The following FAM81A variants were observed in gnomAD, a reference collection of about 807,000 sequenced individuals.
The protein encoded by FAM81A is protein FAM81A.
A neutral mutation model predicts 46.7 loss-of-function variants in FAM81A; 19 were observed. The ratio of observed to expected loss-of-function variants is 0.41; its 90% confidence interval spans 0.28 to 0.60. FAM81A has a LOEUF of 0.60. Among genes scored for constraint, FAM81A ranks in the 20% least tolerant of loss-of-function variants. The pLI, the probability that FAM81A is intolerant of heterozygous loss-of-function variation, is 0.34. For synonymous variants in FAM81A, 183 were observed against 152.9 expected (o/e 1.20, Z -1.45); for missense variants, 377 against 453.5 (o/e 0.83, Z 1.53).
intron 3 of FAM81A, among the ~76,000 whole-genome samples, chr15:59,480,269 A>T (rs2081833029): frequency 6.6e-6 from 1 of 152,198 alleles, no homozygotes. Context: ...ATTTGAAATT[A>T]TACTTCCTCA....
At chr15:59,458,500 A>C in intron 1 of FAM81A, 50 bp from the exon 2 acceptor site, 1 of 1,330,762 alleles carries the variant, frequency 7.5e-7, no homozygotes, top group Non-Finnish European at 1.0e-6. Context: ...TTTTGAGGTT[A>C]AGTTCTAGAT....
chr15:59,419,661 G>C (rs1396240757), intron 2 of FAM81A, among the ~76,000 whole-genome samples: 1 of 152,150 alleles, frequency 6.6e-6, no homozygotes, highest in Non-Finnish European at 1.5e-5. Context: ...ATTGCTTGAA[G>C]TCAGGAGTTC....
Position 59,509,828 on chromosome 15 carries a change from C to G in FAM81A, c.650+859C>G, listed in dbSNP as rs116849620. ...AGAAACTGAAAGATGGCGAGGGTGA[C>G]TGGAACAGGGAGTGAGGGTGAAGCA... On this transcript the variant is annotated intron_variant, in intron 6 of 8. Coordinates refer to ENST00000288228, the MANE Select transcript of FAM81A (RefSeq NM_152450.3). Among the ~76,000 whole-genome samples, 220 of 152,180 alleles carry G rather than the reference C, an allele frequency of 1.4e-3. 3 individuals are homozygous for G. The East Asian group carries it at 0.027, about 19-fold the overall frequency.
chr15:59,432,125 T>C (rs2081223114), intron 2 of FAM81A, among the ~76,000 whole-genome samples: 1 of 152,242 alleles, frequency 6.6e-6, no homozygotes, highest in South Asian at 2.1e-4. Flanking sequence ...TTTTAAACAC[T>C]GCATCACTCT....
At position 59,449,954 on chromosome 15, in the gene FAM81A, C is replaced by T. The variant is rs181001468; in HGVS notation, c.-77-8596C>T. ...TTTTTTTTTGTGAGACAAAATCTCA[C>T]GCTGTTGCCCAGGCTGGAATGCAGT... On this transcript the variant is annotated intron_variant, in intron 1 of 8. Coordinates refer to ENST00000288228, the MANE Select transcript of FAM81A (RefSeq NM_152450.3). Among the ~76,000 whole-genome samples the T allele has an allele frequency of 1.6e-4, 24 of 151,222 alleles. No individual in the cohort carries two copies. In the South Asian group the frequency reaches 3.6e-3, roughly 22 times the overall value.
chr15:59,419,707 C>T (rs927455126), intron 2 of FAM81A, among the ~76,000 whole-genome samples: 16 of 152,088 alleles, frequency 1.1e-4, no homozygotes, highest in Non-Finnish European at 1.9e-4. Context: ...AACCCTGTCT[C>T]TACTGAAAAT....
chr15:59,411,664 C>G (rs2081121206), intron 2 of FAM81A, among the ~76,000 whole-genome samples: 1 of 152,118 alleles, frequency 6.6e-6, no homozygotes, highest in South Asian at 2.1e-4. Context: ...TCCTGTAATC[C>G]CAGCACTTTG....
chr15:59,441,287 T>TG (rs2081294721), intron 1 of FAM81A, among the ~76,000 whole-genome samples: 1 of 152,212 alleles, frequency 6.6e-6, no homozygotes, highest in Non-Finnish European at 1.5e-5. Context: ...GAAACTCTGG[T>TG]GGGGTCCTCG....
intron 3 of FAM81A, among the ~76,000 whole-genome samples, chr15:59,475,813 A>G (rs539794219): frequency 6.6e-6 from 1 of 152,366 alleles, no homozygotes; most frequent in East Asian, 1.9e-4. Flanking sequence ...TGTATTATGA[A>G]CTTAAGCATG....
At chr15:59,491,390 G>GA (rs1313758525) in intron 3 of FAM81A, among the ~76,000 whole-genome samples, 5 of 152,254 alleles carry the variant, frequency 3.3e-5, no homozygotes, top group Non-Finnish European at 7.4e-5. Flanking sequence ...CACGGAGATA[G>GA]AGAGTAGAAT....
At chr15:59,401,983 C>A (rs1161037019) in intron 1 of FAM81A, 4 of 689,662 alleles carry the variant, frequency 5.8e-6, no homozygotes, top group Non-Finnish European at 1.0e-5. Context: ...CAGTGTAATT[C>A]AATATATTTG....
intron 7 of FAM81A, among the ~76,000 whole-genome samples, chr15:59,515,333 C>T (rs1392647301): frequency 2.0e-5 from 3 of 152,188 alleles, no homozygotes; most frequent in African/African-American, 7.2e-5. Context: ...CATTGGTTTT[C>T]ATTGTTTAGC....
intron 2 of FAM81A, among the ~76,000 whole-genome samples, chr15:59,421,729 G>GTCTGTCTC (rs199854304): frequency 7.8e-6 from 1 of 128,870 alleles, no homozygotes; most frequent in African/African-American, 3.2e-5. Context: ...CTGTCTGTCT[G>GTCTGTCTC]TCTATCTATC....
intron 3 of FAM81A, among the ~76,000 whole-genome samples, chr15:59,465,741 A>G (rs1166017718): frequency 4.6e-5 from 7 of 152,082 alleles, no homozygotes; most frequent in African/African-American, 1.7e-4. Context: ...ACATGCGCAC[A>G]ACGTGCAGGT....
chr15:59,452,062 A>G (rs1465837036), intron 1 of FAM81A, among the ~76,000 whole-genome samples: 1 of 152,188 alleles, frequency 6.6e-6, no homozygotes, highest in Non-Finnish European at 1.5e-5. Flanking sequence ...AATTTCAGTA[A>G]TGAGTGTCAG....
intron 3 of FAM81A, among the ~76,000 whole-genome samples, chr15:59,487,599 A>G (rs1010101923): frequency 2.6e-5 from 4 of 152,108 alleles, no homozygotes; most frequent in African/African-American, 7.2e-5. Flanking sequence ...CAGAAATTCA[A>G]AGGATCATTA....
intron 3 of FAM81A, among the ~76,000 whole-genome samples, chr15:59,468,052 A>G (rs1451602680): frequency 6.6e-6 from 1 of 152,138 alleles, no homozygotes; most frequent in Non-Finnish European, 1.5e-5. Flanking sequence ...CATCCCAGGG[A>G]TGAAGCCAAC....
chr15:59,515,202 ACG>A (rs2082254032), intron 7 of FAM81A, among the ~76,000 whole-genome samples: 2 of 152,170 alleles, frequency 1.3e-5, no homozygotes, highest in African/African-American at 4.8e-5. Flanking sequence ...GTATGACTGC[ACG>A]CTGCACTCCA....
At chr15:59,441,605 T>G (rs2081298472) in intron 1 of FAM81A, among the ~76,000 whole-genome samples, 1 of 152,220 alleles carries the variant, frequency 6.6e-6, no homozygotes, top group South Asian at 2.1e-4. Flanking sequence ...TTGAAACTGC[T>G]TCCTCAGAGG....
Sources: gnomAD v4.1 joint callset for allele counts (sites outside exome capture counted in the v4.1 genomes callset) on GRCh38, gnomAD v4.1.1 for gene constraint, MANE v1.5 for transcripts, NCBI Gene and HGNC (gene_info 2026-07-23, HGNC 2026-07-21) for gene names.